DHX40: variants seen among roughly 807,000 people sequenced by gnomAD.
The protein encoded by DHX40 is probable ATP-dependent RNA helicase DHX40.
Under a neutral mutation model 89.6 loss-of-function variants are expected in DHX40, and 28 were observed. The ratio of observed to expected loss-of-function variants is 0.31; its 90% CI spans 0.23 to 0.43. DHX40 has a LOEUF of 0.43. DHX40 is among the 20% of genes least tolerant of loss of function. The pLI is 1.00. For missense variants in DHX40, 457 were observed against 844.0 expected (o/e 0.54, Z 5.68); for synonymous variants, 226 against 283.6 (o/e 0.80, Z 2.04).
chr17:59,589,046 G>C (rs896092694), intron 12 of DHX40, among the ~76,000 whole-genome samples: 4 of 151,890 alleles, frequency 2.6e-5, no homozygotes, highest in Non-Finnish European at 5.9e-5. Flanking sequence ...CTGATTGTCT[G>C]TTTGTTCTTC....
intron 17 of DHX40, among the ~76,000 whole-genome samples, chr17:59,606,376 C>A (rs1180092009): frequency 6.6e-6 from 1 of 152,122 alleles, no homozygotes; most frequent in Admixed American, 6.5e-5. Context: ...ATTGTATTTT[C>A]TTTATTTGAC....
intron 6 of DHX40, among the ~76,000 whole-genome samples, chr17:59,575,075 G>A (rs2048862159): frequency 6.6e-6 from 1 of 151,772 alleles, no homozygotes; most frequent in Non-Finnish European, 1.5e-5. Context: ...AATTTGGTGA[G>A]TCTTCTCAAA....
Position 59,570,333 on chromosome 17 carries a change from A to G in DHX40, c.281-185A>G, listed in dbSNP as rs115561832. 5.5e-3 allele frequency among the ~76,000 whole-genome samples: 783 copies of G among 142,052 alleles called. 13 individuals are homozygous for G. The highest frequency in any genetic ancestry group is 0.019 in the African/African-American group (745 of 38,308). The allele number at this position is 142,052 out of a possible 152,430, so 93.2% of individuals were successfully genotyped here. On this transcript the variant is annotated intron_variant, in intron 2 of 17. Transcript: ENST00000251241. ...ATAATATATTTTTGCATGGTTATTA[A>G]TATGTATTATTTTAAATTAATATTT...
intron 2 of DHX40, 46 bp downstream of exon 2, chr17:59,566,840 C>G (rs749046589): frequency 6.7e-7 from 1 of 1,502,158 alleles, no homozygotes; most frequent in Non-Finnish European, 8.9e-7. Context: ...TAAAAATATC[C>G]TCTTTTTAAA....
intron 14 of DHX40, among the ~76,000 whole-genome samples, chr17:59,601,897 T>C (rs1237727615): frequency 2.0e-5 from 3 of 152,204 alleles, no homozygotes; most frequent in Non-Finnish European, 4.4e-5. Context: ...CTGAGTACTC[T>C]TCCTAACATC....
Position 59,605,191 on chromosome 17 carries a change from A to T in DHX40, c.1971+7A>T, listed in dbSNP as rs751549904. The T allele has an allele frequency of 8.1e-6, 13 of 1,613,426 alleles. No individual in the cohort carries two copies. The highest frequency in any genetic ancestry group is 2.7e-5 in the African/African-American group (2 of 74,906). On this transcript the variant is annotated splice_region_variant and intron_variant, in intron 16 of 17. Coordinates refer to ENST00000251241, the MANE Select transcript of DHX40 (RefSeq NM_024612.5). ...CATTCATCCTTCCTCAGCAGTAAGT[A>T]CTTCATTTTTAATAAAGGGAAGAAA...
chr17:59,595,309 C>A (rs1266076758), intron 12 of DHX40, among the ~76,000 whole-genome samples: 1 of 151,966 alleles, frequency 6.6e-6, no homozygotes, highest in Non-Finnish European at 1.5e-5. Flanking sequence ...TCTCGAACTC[C>A]CAACCTCAGG....
rs1282412450 is a variant in DHX40 at position 59,570,253 on chromosome 17, TA to T, written c.281-262del. ...ATTAGTATATAATATATATAATATA[TA>T]AATATATATAATATAAACTGGATTT... On this transcript the variant is annotated intron_variant, in intron 2 of 17. Transcript: ENST00000251241. Among the ~76,000 whole-genome samples, 51 of 130,846 alleles carry T rather than the reference TA, an allele frequency of 3.9e-4. No individual in the cohort carries two copies. The East Asian group carries it at 8.7e-3, about 22-fold the overall frequency. The allele number at this position is 130,846 out of a possible 152,430, so 85.8% of individuals were successfully genotyped here. A position where few individuals can be genotyped will look rare whatever the true frequency, so the allele number is the denominator to read the frequency against.
At position 59,577,318 on chromosome 17, in the gene DHX40, C is replaced by T; in HGVS notation, c.1026C>T (p.Val342=). Residue 342 remains valine (V), a synonymous_variant, in exon 8 of 18, where the codon GTC becomes GTT. Coordinates refer to ENST00000251241, the MANE Select transcript of DHX40 (RefSeq NM_024612.5). Reference sequence around the variant, plus strand: ...CACCACCTGGAATTAGAAAATGTGTCATATCCACCAATATTTCTGCAACGT... The same window carrying T: ...CACCACCTGGAATTAGAAAATGTGTTATATCCACCAATATTTCTGCAACGT... ...LPPPPGIRKC[V]ISTNISATSL... is the part of the protein sequence containing the mutation. 2 of 1,613,900 alleles carry T rather than the reference C, an allele frequency of 1.2e-6. No homozygotes were observed. Among genetic ancestry groups the T allele is most frequent in the South Asian group, 1.1e-5 (1 of 91,068 alleles).
chr17:59,597,921 C>T (rs1321819692), intron 12 of DHX40, among the ~76,000 whole-genome samples: 6 of 142,946 alleles, frequency 4.2e-5, no homozygotes, highest in Middle Eastern at 3.3e-3. Flanking sequence ...GGCGATAGAG[C>T]GAGACTCCGT....
At chr17:59,567,913 CAG>C (rs1359290272) in intron 2 of DHX40, among the ~76,000 whole-genome samples, 1 of 146,680 alleles carries the variant, frequency 6.8e-6, no homozygotes, top group Non-Finnish European at 1.5e-5. Flanking sequence ...GCCTGGGAGA[CAG>C]AGTGAGACTC....
At chr17:59,601,077 G>C (rs1356274206) in intron 14 of DHX40, among the ~76,000 whole-genome samples, 27 of 151,278 alleles carry the variant, frequency 1.8e-4, no homozygotes. Flanking sequence ...GCCGTAGTGT[G>C]GGGATCACTT....
At chr17:59,597,877 G>C (rs1312166915) in intron 12 of DHX40, among the ~76,000 whole-genome samples, 1 of 150,180 alleles carries the variant, frequency 6.7e-6, no homozygotes, top group Non-Finnish European at 1.5e-5. Flanking sequence ...GGAGCTTGCA[G>C]TGAGCCGAGA....
intron 7 of DHX40, among the ~76,000 whole-genome samples, chr17:59,576,783 ATATAT>A (rs1446887039): frequency 1.3e-5 from 2 of 151,848 alleles, no homozygotes; most frequent in South Asian, 4.1e-4. Context: ...GTACATAGAC[ATATAT>A]TATTCTATAC....
chr17:59,602,621 G>A lies in DHX40; in HGVS notation c.1901+5G>A, dbSNP rs749884152. ...TTTCAAAAATGTAGCTCGAAGGTAA[G>A]CAATAAAGACTTGAGAGATGGATCA... On this transcript the variant is annotated splice_donor_5th_base_variant and intron_variant, in intron 15 of 17. Coordinates refer to ENST00000251241, the MANE Select transcript of DHX40 (RefSeq NM_024612.5). 6.2e-7 allele frequency: 1 copy of A among 1,611,846 alleles called. No individual in the cohort carries two copies. The highest frequency in any genetic ancestry group is 8.5e-7 in the Non-Finnish European group (1 of 1,178,314).
intron 3 of DHX40, among the ~76,000 whole-genome samples, chr17:59,572,648 G>T (rs1598141168): frequency 6.6e-6 from 1 of 152,122 alleles, no homozygotes; most frequent in African/African-American, 2.4e-5. Flanking sequence ...CAAAGTGCTG[G>T]GATTACAGGC....
chr17:59,602,563 T>C lies in DHX40; in HGVS notation c.1848T>C (p.His616=), dbSNP rs1467908452. Residue 616 remains histidine (H), a synonymous_variant, in exon 15 of 18, where the codon CAT becomes CAC. Coordinates refer to ENST00000251241, the MANE Select transcript of DHX40 (RefSeq NM_024612.5). ...AAGAGACCTTTGAAGGCCCTAAACA[T>C]GAAGTACTACGAAGATGTCTTTGTG... ...FPKETFEGPK[H]EVLRRCLCAG... is the part of the protein sequence containing the mutation. 1.2e-6 allele frequency: 2 copies of C among 1,613,894 alleles called. No homozygotes were observed. Among genetic ancestry groups the C allele is most frequent in the Non-Finnish European group, 1.7e-6 (2 of 1,179,854 alleles).
intron 10 of DHX40, among the ~76,000 whole-genome samples, chr17:59,581,684 G>A (rs1482048824): frequency 1.7e-4 from 13 of 77,114 alleles, no homozygotes; most frequent in African/African-American, 9.7e-4. Context: ...ACTTGAACCC[G>A]GGAGGCAGAG....
At position 59,587,891 on chromosome 17, in the gene DHX40, T is replaced by C. The variant is rs1598159486; in HGVS notation, c.1425-5T>C. ...AAGACTTACAAACTTTTTCTTTGTA[T>C]TAAGGAGTGGCCATGTCACCAGATT... On this transcript the variant is annotated splice_region_variant and splice_polypyrimidine_tract_variant and intron_variant, in intron 11 of 17. Transcript: ENST00000251241. 1 of 1,610,734 alleles carries C rather than the reference T, an allele frequency of 6.2e-7. No homozygotes were observed. The highest frequency in any genetic ancestry group is 1.3e-5 in the African/African-American group (1 of 74,798).
Sources: allele counts gnomAD v4.1 joint callset (sites outside exome capture counted in the v4.1 genomes callset), GRCh38; gene constraint gnomAD v4.1.1; transcripts MANE v1.5; gene names NCBI Gene and HGNC (gene_info 2026-07-23, HGNC 2026-07-21).